PRKDC: variants seen among roughly 807,000 people sequenced by gnomAD.
The protein encoded by PRKDC is protein kinase, DNA-activated, catalytic subunit, also known as DNA-dependent protein kinase catalytic subunit.
PRKDC carries 82 observed loss-of-function variants against 486.9 expected under a neutral mutation model. That is an observed-to-expected ratio of 0.17 (90% CI 0.14 to 0.20). The LOEUF (loss-of-function observed/expected upper bound fraction) is 0.20, where lower values mean the gene tolerates loss of function less well. PRKDC is among the 10% of genes least tolerant of loss of function. The pLI, the probability that PRKDC is intolerant of heterozygous loss-of-function variation, is 1.00. For missense variants in PRKDC, 4,504 were observed against 5,038.2 expected, an observed-to-expected ratio of 0.89 and a Z score of 3.21; for synonymous variants, 1,895 against 1,837.0, an observed-to-expected ratio of 1.03 and a Z score of -0.81.
At chr8:47,881,778 G>A (rs1439412603) in intron 37 of PRKDC, 134 bp downstream of exon 37, 1 of 790,400 alleles carries the variant, frequency 1.3e-6, no homozygotes, top group African/African-American at 1.8e-5. Context: ...GTAAATATAA[G>A]CAACCATCCT....
At chr8:47,871,152 GGGTAGAAA>G (rs2088943561) in intron 40 of PRKDC, among the ~76,000 whole-genome samples, 1 of 152,110 alleles carries the variant, frequency 6.6e-6, no homozygotes, top group Non-Finnish European at 1.5e-5. Context: ...CGGGAGACAG[GGGTAGAAA>G]GTTTTTTCAA....
At chr8:47,781,203 C>T (rs1354120356) in intron 80 of PRKDC, among the ~76,000 whole-genome samples, 1 of 152,166 alleles carries the variant, frequency 6.6e-6, no homozygotes, top group Non-Finnish European at 1.5e-5. Flanking sequence ...GTGCCAGGGC[C>T]AGATCTGCAA....
At chr8:47,878,933 A>G (rs1384480090) in intron 39 of PRKDC, among the ~76,000 whole-genome samples, 2 of 152,148 alleles carry the variant, frequency 1.3e-5, no homozygotes, top group African/African-American at 2.4e-5. Flanking sequence ...ATGTATACAC[A>G]AACATTCCAA....
At chr8:47,930,823 A>T in intron 16 of PRKDC, 36 bp from the exon 17 acceptor site, 1 of 1,512,116 alleles carries the variant, frequency 6.6e-7, no homozygotes, top group Admixed American at 2.3e-5. Flanking sequence ...ACATTGTACC[A>T]TTCAATCACG....
chr8:47,893,093 A>G (rs371924374), intron 31 of PRKDC, 46 bp downstream of exon 31: 14 of 1,512,180 alleles, frequency 9.3e-6, no homozygotes, highest in African/African-American at 2.8e-5. Context: ...GCCCAGGGTG[A>G]CTCTGGCAGC....
At chr8:47,855,146 A>G in intron 50 of PRKDC, 76 bp downstream of exon 50, 2 of 1,305,176 alleles carry the variant, frequency 1.5e-6, no homozygotes, top group South Asian at 2.9e-5. Flanking sequence ...ATTAAATTTC[A>G]CTGTAATCAT....
intron 21 of PRKDC, 63 bp from the exon 22 acceptor site, chr8:47,918,446 G>A (rs2090023656): frequency 1.1e-6 from 1 of 931,358 alleles, no homozygotes; most frequent in Non-Finnish European, 1.5e-6. Flanking sequence ...ATGTACATTA[G>A]AGGCAACAAA....
At position 47,849,419 on chromosome 8, in the gene PRKDC, A is replaced by G. The variant is rs2088352564; in HGVS notation, c.7090T>C (p.Leu2364=). 17 of 1,613,936 alleles carry G rather than the reference A, an allele frequency of 1.1e-5. No homozygotes were observed. The highest frequency in any genetic ancestry group is 1.4e-5 in the Non-Finnish European group (17 of 1,179,914). ...NTMEDKFIVC[L]NKVTKSFPPL... ...GGGAAGCTCTTGGTCACTTTGTTCA[A>G]GCACACAATAAACTTGTCCTCCATA... is the stretch of plus-strand genomic sequence containing the variant. Residue 2364 remains leucine, a synonymous_variant, in exon 53 of 86, where the codon TTG becomes CTG. Transcript: ENST00000314191.
chr8:47,823,946 C>G lies in PRKDC; in HGVS notation c.8834G>C (p.Ser2945Thr). 1.2e-6 allele frequency: 2 copies of G among 1,613,580 alleles called. No homozygotes were observed. Among genetic ancestry groups the G allele is most frequent in the Non-Finnish European group, 1.7e-6 (2 of 1,179,656 alleles). Residue 2945 changes from serine to threonine, a missense_variant, in exon 64 of 86, where the codon AGT (serine) becomes ACT (threonine). Transcript: ENST00000314191. ...AGTGATTTGCTTTGTTCCTATCTCA[C>G]TGGTAAAAATCCCACGGAGGACGTC... ...EYDVLRGIFT[S>T]EIGTKQITQS...
At position 47,910,110 on chromosome 8, in the gene PRKDC, A is replaced by G. The variant is rs191491876; in HGVS notation, c.2934+2300T>C. 3.0e-3 allele frequency among the ~76,000 whole-genome samples: 450 copies of G among 151,362 alleles called. 7 individuals are homozygous for G. Among genetic ancestry groups the G allele is most frequent in the Admixed American group, 0.026 (388 of 15,152 alleles). On this transcript the variant is annotated intron_variant, in intron 25 of 85. Transcript: ENST00000314191. ...CCGGGTGTAACATTTCTCTCTTTGT[A>G]CTCTTTCTCTTTATTTCTCAGACCG... is the stretch of plus-strand genomic sequence containing the variant.
rs182176019 is a variant in PRKDC, at chr8:47,927,917, A to G, written c.2140-27T>C. The G allele has an allele frequency of 3.1e-4, 458 of 1,473,582 alleles. 1 individual carries two copies. Among genetic ancestry groups the G allele is most frequent in the Middle Eastern group, 7.2e-4 (4 of 5,560 alleles). The allele number at this position is 1,473,582 out of a possible 1,614,324, so 91.3% of individuals were successfully genotyped here. A position where few individuals can be genotyped will look rare whatever the true frequency, so the allele number is the denominator to read the frequency against. On this transcript the variant is annotated intron_variant, in intron 19 of 85. Coordinates refer to ENST00000314191, the MANE Select transcript of PRKDC (RefSeq NM_006904.7). ...TTAACAAGAAAGAAGACAGTAATGT[A>G]TATCTGAATAGAGCCTACATTTGAA...
chr8:47,850,296 A>G (rs1033031881), intron 52 of PRKDC, among the ~76,000 whole-genome samples: 1 of 152,178 alleles, frequency 6.6e-6, no homozygotes, highest in African/African-American at 2.4e-5. Context: ...TTCAATGCAA[A>G]CTCAACACAG....
intron 31 of PRKDC, among the ~76,000 whole-genome samples, chr8:47,891,627 G>A (rs1255800727): frequency 6.6e-6 from 1 of 152,050 alleles, no homozygotes; most frequent in African/African-American, 2.4e-5. Context: ...GGCTGAGGCA[G>A]GAGAATGGCA....
At chr8:47,815,845 C>T (rs543822035) in intron 68 of PRKDC, among the ~76,000 whole-genome samples, 13 of 152,316 alleles carry the variant, frequency 8.5e-5, no homozygotes, top group South Asian at 2.1e-4. Flanking sequence ...GCAGCTCCTA[C>T]ATTTATTTGT....
At chr8:47,854,363 A>C (rs2088484409) in intron 50 of PRKDC, 149 bp from the exon 51 acceptor site, 1 of 929,874 alleles carries the variant, frequency 1.1e-6, no homozygotes, top group Non-Finnish European at 1.6e-6. Context: ...GGAGTCTTGG[A>C]GTCTCGCTTT....
At chr8:47,820,675 A>AGTG in intron 66 of PRKDC, 44 bp downstream of exon 66, 1 of 961,342 alleles carries the variant, frequency 1.0e-6, no homozygotes, top group Non-Finnish European at 1.4e-6. Context: ...ATATATATAT[A>AGTG]CACTATATAT....
In PRKDC at chr8:47,828,273, C is replaced by A; in HGVS notation, c.8472G>T (p.Lys2824Asn). 2 of 1,611,394 alleles carry A rather than the reference C, an allele frequency of 1.2e-6. No homozygotes were observed. Among genetic ancestry groups the A allele is most frequent in the South Asian group, 1.1e-5 (1 of 90,376 alleles). ...SGILKEMDKF[K>N]TLSEKNNITQ... ...TGATGTTGTTTTTTTCAGACAGTGT[C>A]TTAAATTTATCCATCTCTTTCAAAA... Residue 2824 changes from lysine (K) to asparagine (N), a missense_variant, in exon 62 of 86, where the codon AAG (lysine) becomes AAT (asparagine). Lys to Asn is a moderately conservative substitution (Grantham distance 94). Around this residue, in one of 6 missense-constraint regions of PRKDC, gnomAD observed 1,592 missense variants for 1,724.6 expected, o/e 0.92. Transcript: ENST00000314191.
intron 54 of PRKDC, among the ~76,000 whole-genome samples, chr8:47,841,403 C>CCTAT (rs904603858): frequency 8.5e-5 from 13 of 152,272 alleles, no homozygotes; most frequent in African/African-American, 2.9e-4. Context: ...GATCTACACG[C>CCTAT]CTATCTGTCA....
At chr8:47,883,016 C>T (rs959655960) in intron 36 of PRKDC, among the ~76,000 whole-genome samples, 2 of 152,214 alleles carry the variant, frequency 1.3e-5, no homozygotes, top group African/African-American at 4.8e-5. Flanking sequence ...GCCATCCACG[C>T]CTCTGTGCGG....
Sources: gnomAD v4.1 joint callset for allele counts (sites outside exome capture counted in the v4.1 genomes callset) on GRCh38, gnomAD v4.1.1 for gene constraint, gnomAD v4.1.1 regional missense constraint, MANE v1.5 for transcripts, NCBI Gene and HGNC (gene_info 2026-07-23, HGNC 2026-07-21) for gene names.